The following EPS8 variants were observed in gnomAD, a reference collection of about 807,000 sequenced individuals.
EPS8 encodes epidermal growth factor receptor kinase substrate 8.
Under a neutral mutation model 103.8 loss-of-function variants are expected in EPS8, and 42 were observed. The ratio of observed to expected loss-of-function variants is 0.40; its 90% CI spans 0.32 to 0.52. EPS8 has a LOEUF of 0.52. Ranked by LOEUF, EPS8 falls within the 20% of genes least tolerant of loss-of-function variation. The probability of loss-of-function intolerance (pLI) is 0.40; values close to 1 mark genes in which losing one functional copy is unlikely to be tolerated. For synonymous variants in EPS8, 344 were observed against 344.6 expected (o/e 1.00, Z 0.02); for missense variants, 969 against 1,005.1 (o/e 0.96, Z 0.49).
chr12:15,667,708 T>C (rs1945740237), intron 6 of EPS8, among the ~76,000 whole-genome samples: 1 of 152,146 alleles, frequency 6.6e-6, no homozygotes, highest in Non-Finnish European at 1.5e-5. Flanking sequence ...TATTGCACAA[T>C]GAGCCATATA....
At chr12:15,642,646 A>G (rs1003195037) in intron 15 of EPS8, among the ~76,000 whole-genome samples, 2 of 152,150 alleles carry the variant, frequency 1.3e-5, no homozygotes. Flanking sequence ...TATTAATTTT[A>G]CTCCCTAGTC....
chr12:15,671,147 T>A (rs1486367344), intron 3 of EPS8, among the ~76,000 whole-genome samples: 1 of 152,090 alleles, frequency 6.6e-6, no homozygotes, highest in Non-Finnish European at 1.5e-5. Context: ...CCACTATCCA[T>A]TTTTAGAATT....
intron 1 of EPS8, among the ~76,000 whole-genome samples, chr12:15,726,429 G>T (rs1174319090): frequency 6.6e-6 from 1 of 152,114 alleles, no homozygotes. Context: ...GCTCAGAAGA[G>T]TTCAAATATC....
rs939601595 is a variant in EPS8, at chr12:15,728,664, T to C, written c.-21-45692A>G. On this transcript the variant is annotated intron_variant, in intron 1 of 20. Transcript: ENST00000281172. This position sits in a 1 kb window ranked among gnomAD's most constrained non-coding sequence, Gnocchi z 4.5. ...TTTTACTATTTACATTTCAGTGAAA[T>C]ATTTATGCTTTGTGACTTACTTGAA... is the stretch of plus-strand genomic sequence containing the variant. 1.3e-5 allele frequency among the ~76,000 whole-genome samples: 2 copies of C among 152,218 alleles called. No individual in the cohort carries two copies. The highest frequency in any genetic ancestry group is 6.5e-5 in the Admixed American group (1 of 15,276).
At chr12:15,634,746 A>G (rs1359197414) in intron 17 of EPS8, 1 of 398,726 alleles carries the variant, frequency 2.5e-6, no homozygotes, top group African/African-American at 2.1e-5. Flanking sequence ...TACCTCTGAC[A>G]GCTCGCCAAG....
chr12:15,744,679 G>A (rs1390101490), intron 1 of EPS8, among the ~76,000 whole-genome samples: 1 of 152,160 alleles, frequency 6.6e-6, no homozygotes, highest in African/African-American at 2.4e-5. Flanking sequence ...ATTCATACAG[G>A]TACTAAGTGG....
chr12:15,753,416 A>G (rs1435948674), intron 1 of EPS8, among the ~76,000 whole-genome samples: 2 of 152,154 alleles, frequency 1.3e-5, no homozygotes, highest in Non-Finnish European at 2.9e-5. Context: ...AATAGCTCCT[A>G]CTACAGTTGA....
chr12:15,694,584 C>T lies in EPS8; in HGVS notation c.-21-11612G>A. Among the ~76,000 whole-genome samples, 2 of 152,056 alleles carry T rather than the reference C, an allele frequency of 1.3e-5. 1 individual carries two copies. The highest frequency in any genetic ancestry group is 2.9e-5 in the Non-Finnish European group (2 of 68,004). On this transcript the variant is annotated intron_variant, in intron 1 of 20. Transcript: ENST00000281172. The stretch of plus-strand genomic sequence containing the variant: ...TTTATCCATTCTTTATTAATTTTTT[C>T]CCAAAGAGAAGCCCATTTAAATTGA...
chr12:15,751,677 G>A lies in EPS8; in HGVS notation c.-22+37484C>T, dbSNP rs995757942. ...AAAGGTCACAACCTAGTGAATGAAA[G>A]AATATACCCGTCCCTTGTACTTTTA... On this transcript the variant is annotated intron_variant, in intron 1 of 20. Transcript: ENST00000281172. The surrounding 1 kb of genome is among the most constrained non-coding windows in gnomAD (Gnocchi z 4.3). Among the ~76,000 whole-genome samples the A allele has an allele frequency of 1.2e-4, 18 of 152,064 alleles. No individual in the cohort carries two copies. Among genetic ancestry groups the A allele is most frequent in the Admixed American group, 3.3e-4 (5 of 15,268 alleles).
intron 1 of EPS8, among the ~76,000 whole-genome samples, chr12:15,691,621 G>T (rs1322486851): frequency 6.6e-6 from 1 of 152,124 alleles, no homozygotes; most frequent in Non-Finnish European, 1.5e-5. Context: ...GCAGGAGATG[G>T]CTTTGGACAC....
At chr12:15,663,950 T>TAATAATAA (rs375723916) in intron 8 of EPS8, among the ~76,000 whole-genome samples, 6 of 61,776 alleles carry the variant, frequency 9.7e-5, no homozygotes, top group Admixed American at 4.5e-4. Flanking sequence ...AAAAAAATAA[T>TAATAATAA]ATATATATAT....
chr12:15,715,291 A>G (rs939830627), intron 1 of EPS8, among the ~76,000 whole-genome samples: 4 of 151,262 alleles, frequency 2.6e-5, no homozygotes, highest in Non-Finnish European at 5.9e-5. Flanking sequence ...TTGAGACTAC[A>G]TGGCAGCCCA....
rs4130908 is a variant in EPS8 at position 15,690,277 on chromosome 12, C to T, written c.-21-7305G>A. Among the ~76,000 whole-genome samples, 108,199 of 152,032 alleles carry T rather than the reference C, an allele frequency of 0.71. 40,003 individuals carry two copies. The highest frequency in any genetic ancestry group is 0.9 in the East Asian group (4,655 of 5,186). The stretch of plus-strand genomic sequence containing the variant: ...ACTGCTGTACTGATTCATCCCACTT[C>T]TCTAAATCATAAATACATCTCCCGA... On this transcript the variant is annotated intron_variant, in intron 1 of 20. Coordinates refer to ENST00000281172, the MANE Select transcript of EPS8 (RefSeq NM_004447.6). This position sits in a 1 kb window ranked among gnomAD's most constrained non-coding sequence, Gnocchi z 4.7.
chr12:15,638,916 C>A (rs1182385161), intron 17 of EPS8, among the ~76,000 whole-genome samples: 2 of 152,146 alleles, frequency 1.3e-5, no homozygotes, highest in African/African-American at 4.8e-5. Context: ...AAAGACAAGA[C>A]TGAACAGTAA....
At chr12:15,694,101 A>AT (rs1482812674) in intron 1 of EPS8, among the ~76,000 whole-genome samples, 1 of 152,186 alleles carries the variant, frequency 6.6e-6, no homozygotes, top group Non-Finnish European at 1.5e-5. Flanking sequence ...TTAGTCTGCC[A>AT]TTTTTCTGTA....
intron 15 of EPS8, among the ~76,000 whole-genome samples, chr12:15,646,510 T>TA (rs979937331): frequency 6.6e-5 from 10 of 151,098 alleles, no homozygotes; most frequent in South Asian, 6.3e-4. Context: ...GATTGGAAAT[T>TA]AAAAAAAAAG....
rs762211236 is a variant in EPS8 at position 15,759,710 on chromosome 12, G to A, written c.-22+29451C>T. Among the ~76,000 whole-genome samples, 1 of 151,978 alleles carries A rather than the reference G, an allele frequency of 6.6e-6. No homozygotes were observed. The highest frequency in any genetic ancestry group is 6.6e-5 in the Admixed American group (1 of 15,256). ...CAAGGAAATTAAACAATATGCTCACGAATGACCACTGGGTCAATGAAGAAA... is the reference window on the plus strand; with the variant it reads ...CAAGGAAATTAAACAATATGCTCACAAATGACCACTGGGTCAATGAAGAAA... On this transcript the variant is annotated intron_variant, in intron 1 of 20. Transcript: ENST00000281172. This position sits in a 1 kb window ranked among gnomAD's most constrained non-coding sequence, Gnocchi z 4.9.
At position 15,731,003 on chromosome 12, in the gene EPS8, C is replaced by T. The variant is rs889669991; in HGVS notation, c.-21-48031G>A. Among the ~76,000 whole-genome samples the T allele has an allele frequency of 3.3e-5, 5 of 152,136 alleles. No individual in the cohort carries two copies. Among genetic ancestry groups the T allele is most frequent in the African/African-American group, 1.2e-4 (5 of 41,438 alleles). The stretch of plus-strand genomic sequence containing the variant: ...GCTTTAAAAATAGATTCACAGATGA[C>T]ATTTCAAATATCCCATTTACTTATT... On this transcript the variant is annotated intron_variant, in intron 1 of 20. Coordinates refer to ENST00000281172, the MANE Select transcript of EPS8 (RefSeq NM_004447.6). This position sits in a 1 kb window ranked among gnomAD's most constrained non-coding sequence, Gnocchi z 5.1.
intron 1 of EPS8, among the ~76,000 whole-genome samples, chr12:15,765,263 T>C (rs907015589): frequency 6.6e-6 from 1 of 152,208 alleles, no homozygotes; most frequent in African/African-American, 2.4e-5. Context: ...TCCTTCACTT[T>C]ATAAGTTATT....
Sources: gnomAD v4.1 joint callset for allele counts (sites outside exome capture counted in the v4.1 genomes callset) on GRCh38, gnomAD v4.1.1 for gene constraint, Gnocchi (gnomAD v3.1) non-coding constraint, MANE v1.5 for transcripts, NCBI Gene and HGNC (gene_info 2026-07-23, HGNC 2026-07-21) for gene names.